The following FNDC3B variants were observed in gnomAD, a reference collection of about 807,000 sequenced individuals.
FNDC3B encodes the protein fibronectin type III domain-containing protein 3B.
FNDC3B carries 12 observed loss-of-function variants against 151.5 expected under a neutral mutation model. That is an observed-to-expected ratio of 0.08 (90% CI 0.05 to 0.13). The LOEUF (loss-of-function observed/expected upper bound fraction) is 0.13. Among genes scored for constraint, FNDC3B ranks in the 10% least tolerant of loss-of-function variants. FNDC3B has a pLI of 1.00. For missense variants in FNDC3B, 1,214 were observed against 1,505.3 expected (o/e 0.81, Z 3.20); for synonymous variants, 528 against 549.0 (o/e 0.96, Z 0.54).
chr3:172,373,831 T>C (rs1734995203), intron 23 of FNDC3B, among the ~76,000 whole-genome samples: 1 of 152,182 alleles, frequency 6.6e-6, no homozygotes, highest in Admixed American at 6.5e-5. Context: ...TGATGGGAAA[T>C]AATTATAGAA....
chr3:172,190,823 C>G (rs868329165), intron 3 of FNDC3B, among the ~76,000 whole-genome samples: 1 of 152,162 alleles, frequency 6.6e-6, no homozygotes, highest in African/African-American at 2.4e-5. Flanking sequence ...CATGTACCAC[C>G]ATGCCCGGCT....
At chr3:172,127,338 T>C (rs1720852244) in intron 2 of FNDC3B, among the ~76,000 whole-genome samples, 2 of 152,216 alleles carry the variant, frequency 1.3e-5, no homozygotes, top group African/African-American at 2.4e-5. Flanking sequence ...ATTGACATGG[T>C]GAAACCACGC....
intron 1 of FNDC3B, among the ~76,000 whole-genome samples, chr3:172,079,303 G>A (rs140397072): frequency 1.1e-4 from 17 of 152,312 alleles, no homozygotes; most frequent in Admixed American, 9.2e-4. Flanking sequence ...AGGAGCCTGC[G>A]TGGTCCTCAT....
intron 6 of FNDC3B, among the ~76,000 whole-genome samples, chr3:172,269,292 T>C (rs1489652205): frequency 6.6e-6 from 1 of 152,176 alleles, no homozygotes; most frequent in Non-Finnish European, 1.5e-5. Context: ...CTAGGCTCTC[T>C]CTGTCATCCA....
intron 6 of FNDC3B, among the ~76,000 whole-genome samples, chr3:172,257,254 A>G (rs915816299): frequency 6.6e-6 from 1 of 152,154 alleles, no homozygotes. Flanking sequence ...TGTGCAGTTG[A>G]CATTGTTGAC....
chr3:172,058,277 CAATT>C (rs1260777068), intron 1 of FNDC3B, among the ~76,000 whole-genome samples: 4 of 143,892 alleles, frequency 2.8e-5, no homozygotes, highest in Non-Finnish European at 6.0e-5. Flanking sequence ...TTAGGGTAAT[CAATT>C]ACTTTGTGGT....
intron 23 of FNDC3B, among the ~76,000 whole-genome samples, chr3:172,364,790 A>T (rs1734534376): frequency 6.6e-6 from 1 of 152,252 alleles, no homozygotes; most frequent in Non-Finnish European, 1.5e-5. Context: ...AGGCTTGCCT[A>T]ATCAAATAAA....
chr3:172,354,727 T>C (rs780217540), intron 22 of FNDC3B, among the ~76,000 whole-genome samples: 3 of 152,048 alleles, frequency 2.0e-5, no homozygotes, highest in Non-Finnish European at 4.4e-5. Flanking sequence ...AATCAACTTT[T>C]ATTTCACCTT....
chr3:172,085,462 C>G (rs1718503930), intron 1 of FNDC3B, among the ~76,000 whole-genome samples: 1 of 152,196 alleles, frequency 6.6e-6, no homozygotes, highest in Admixed American at 6.5e-5. Context: ...CCCCCTGACT[C>G]TCTGTTAACT....
intron 3 of FNDC3B, among the ~76,000 whole-genome samples, chr3:172,146,919 G>A (rs1721940837): frequency 6.6e-6 from 1 of 152,152 alleles, no homozygotes; most frequent in Non-Finnish European, 1.5e-5. Context: ...AATAGTTCAC[G>A]TATGTTTAAC....
intron 15 of FNDC3B, among the ~76,000 whole-genome samples, chr3:172,336,966 TA>T (rs1380449447): frequency 6.7e-6 from 1 of 149,872 alleles, no homozygotes; most frequent in Non-Finnish European, 1.5e-5. Context: ...ATAAAAAGAA[TA>T]AAATCAGAAA....
chr3:172,106,545 T>A (rs1338914122), intron 1 of FNDC3B, among the ~76,000 whole-genome samples: 6 of 152,254 alleles, frequency 3.9e-5, no homozygotes, highest in Non-Finnish European at 8.8e-5. Flanking sequence ...TACTGCTAAC[T>A]CACATCTTGA....
intron 6 of FNDC3B, 85 bp from the exon 7 acceptor site, chr3:172,285,841 A>G: frequency 1.1e-6 from 1 of 905,724 alleles, no homozygotes; most frequent in Non-Finnish European, 1.8e-6. Flanking sequence ...TGATAACTCC[A>G]GTTAAAAGGC....
intron 9 of FNDC3B, among the ~76,000 whole-genome samples, chr3:172,304,723 C>G (rs2108239036): frequency 1.3e-5 from 2 of 152,040 alleles, no homozygotes; most frequent in South Asian, 4.2e-4. Context: ...GTGGTGAAAC[C>G]CCCATCTCTA....
chr3:172,144,251 A>G (rs1004935095), intron 3 of FNDC3B, among the ~76,000 whole-genome samples: 2 of 152,148 alleles, frequency 1.3e-5, no homozygotes, highest in East Asian at 1.9e-4. Context: ...ACTCATCACC[A>G]TGGGGATGGT....
At chr3:172,179,372 AT>A (rs1278080083) in intron 3 of FNDC3B, among the ~76,000 whole-genome samples, 1 of 152,184 alleles carries the variant, frequency 6.6e-6, no homozygotes, top group East Asian at 1.9e-4. Flanking sequence ...GGGCCTGTTT[AT>A]AACTATTATG....
At chr3:172,193,211 T>C (rs1576784392) in intron 3 of FNDC3B, among the ~76,000 whole-genome samples, 1 of 28,634 alleles carries the variant, frequency 3.5e-5, no homozygotes, top group Admixed American at 3.6e-4. Context: ...TTCCTTTCCA[T>C]CCCTCCCTCC....
intron 25 of FNDC3B, among the ~76,000 whole-genome samples, chr3:172,386,748 GA>G (rs1396624161): frequency 1.9e-5 from 1 of 51,698 alleles, no homozygotes; most frequent in Non-Finnish European, 4.2e-5. Context: ...CTCAAAAAAA[GA>G]AAAAAAAAAG....
chr3:172,113,252 A>T (rs905926928), intron 2 of FNDC3B, among the ~76,000 whole-genome samples: 1 of 152,226 alleles, frequency 6.6e-6, no homozygotes, highest in Non-Finnish European at 1.5e-5. Flanking sequence ...TTACAACTAG[A>T]TATTTTATCT....
Sources: allele counts gnomAD v4.1 joint callset (sites outside exome capture counted in the v4.1 genomes callset), GRCh38; gene constraint gnomAD v4.1.1; transcripts MANE v1.5; gene names NCBI Gene and HGNC (gene_info 2026-07-23, HGNC 2026-07-21).